Variants in OVGP1 observed in about 807,000 individuals in gnomAD.
The protein encoded by OVGP1 is oviductal glycoprotein 1, also known as oviduct-specific glycoprotein.
Under a neutral mutation model 48.2 loss-of-function variants are expected in OVGP1, and 26 were observed. The observed-to-expected ratio is 0.54, with a 90% CI of 0.40 to 0.75. OVGP1 has a LOEUF of 0.75. Ranked by LOEUF, OVGP1 falls within the 30% of genes least tolerant of loss-of-function variation. The pLI, the probability that OVGP1 is intolerant of heterozygous loss-of-function variation, is 0.00. For missense variants in OVGP1, 791 were observed against 820.6 expected (o/e 0.96, Z 0.44); for synonymous variants, 294 against 305.7 (o/e 0.96, Z 0.40).
intron 6 of OVGP1, 34 bp from the exon 7 acceptor site, chr1:111,421,707 G>C: frequency 7.6e-7 from 1 of 1,313,510 alleles, no homozygotes; most frequent in East Asian, 2.3e-5. Context: ...TATAAAGACT[G>C]GGCTAGCCAG....
chr1:111,422,975 C>T lies in OVGP1; in HGVS notation c.560G>A (p.Gly187Glu), dbSNP rs2101727288. Reference protein sequence around the residue: ...PRLLLSAAVSGVPHIVQTSYD... With the variant: ...PRLLLSAAVSEVPHIVQTSYD... ...GGATGTTTGGACGATGTGTGGGACC[C>T]CAGAAACAGCAGCAGACAGCAGCAG... Residue 187 changes from glycine to glutamate, a missense_variant, in exon 6 of 11, where the codon GGG becomes GAG. Coordinates refer to ENST00000369732, the MANE Select transcript of OVGP1 (RefSeq NM_002557.4). 1 of 1,614,130 alleles carries T rather than the reference C, an allele frequency of 6.2e-7. No individual in the cohort carries two copies. Among genetic ancestry groups the T allele is most frequent in the Non-Finnish European group, 8.5e-7 (1 of 1,180,016 alleles).
chr1:111,416,189 T>C (rs955993717), intron 10 of OVGP1, 134 bp downstream of exon 10: 16 of 926,696 alleles, frequency 1.7e-5, no homozygotes, highest in Admixed American at 3.4e-5. Flanking sequence ...GGAAAACATA[T>C]TGGCCTGGCA....
At position 111,423,100 on chromosome 1, in the gene OVGP1, G is replaced by A. The variant is rs765776310; in HGVS notation, c.484-49C>T. On this transcript the variant is annotated intron_variant, in intron 5 of 10. Coordinates refer to ENST00000369732, the MANE Select transcript of OVGP1 (RefSeq NM_002557.4). ...CAGAGAACTGGACAAACAGAGAGGC[G>A]GGGCCTGGGGGGAGTGTCATCTAGG... 6.1e-5 allele frequency: 98 copies of A among 1,608,500 alleles called. No individual in the cohort carries two copies. In the East Asian group the frequency reaches 1.2e-3, roughly 20 times the overall value.
At chr1:111,421,810 C>T in intron 6 of OVGP1, 137 bp from the exon 7 acceptor site, 1 of 622,386 alleles carries the variant, frequency 1.6e-6, no homozygotes, top group Admixed American at 2.8e-5. Context: ...TGGGGCCTGC[C>T]CAGGCTGTGC....
chr1:111,416,251 C>G (rs1038118906), intron 10 of OVGP1, 72 bp downstream of exon 10: 1 of 1,399,684 alleles, frequency 7.1e-7, no homozygotes, highest in Non-Finnish European at 9.4e-7. Context: ...GCATTTAGAT[C>G]TAGCAGAAGG....
intron 2 of OVGP1, 101 bp from the exon 3 acceptor site, chr1:111,426,742 A>C (rs1462860012): frequency 1.3e-6 from 2 of 1,552,192 alleles, no homozygotes; most frequent in African/African-American, 1.4e-5. Flanking sequence ...ACCAGGCCAC[A>C]TTTTCACATC....
At chr1:111,416,677 AAAG>A in intron 9 of OVGP1, 1 of 412,180 alleles carries the variant, frequency 2.4e-6, no homozygotes, top group Admixed American at 4.4e-5. Flanking sequence ...GAAAAAAAAA[AAAG>A]AGGATAATAA....
chr1:111,423,076 A>G, intron 5 of OVGP1, 25 bp from the exon 6 acceptor site: 1 of 1,613,526 alleles, frequency 6.2e-7, no homozygotes. Flanking sequence ...AGAAAGACAC[A>G]GAGAACTGGA....
At chr1:111,418,350 T>A (rs1652183419) in intron 9 of OVGP1, among the ~76,000 whole-genome samples, 1 of 152,182 alleles carries the variant, frequency 6.6e-6, no homozygotes, top group African/African-American at 2.4e-5. Flanking sequence ...GAGTCATTAA[T>A]CTTTCCTGTT....
chr1:111,420,410 C>T (rs1344856170), intron 8 of OVGP1, among the ~76,000 whole-genome samples: 4 of 152,180 alleles, frequency 2.6e-5, no homozygotes, highest in African/African-American at 9.7e-5. Flanking sequence ...CATAAAAATG[C>T]TTCATTGGGT....
intron 6 of OVGP1, among the ~76,000 whole-genome samples, chr1:111,422,192 T>A (rs1652288502): frequency 6.6e-6 from 1 of 152,214 alleles, no homozygotes; most frequent in Non-Finnish European, 1.5e-5. Context: ...TTAACTAATT[T>A]GCCTAATGTT....
At chr1:111,416,838 G>A (rs1652149937) in intron 9 of OVGP1, among the ~76,000 whole-genome samples, 1 of 152,184 alleles carries the variant, frequency 6.6e-6, no homozygotes, top group East Asian at 1.9e-4. Context: ...GGTACCTAGA[G>A]TAGTCAAATT....
At chr1:111,423,085 GACAA>G (rs781212665) in intron 5 of OVGP1, 34 bp from the exon 6 acceptor site, 37 of 1,612,610 alleles carry the variant, frequency 2.3e-5, no homozygotes, top group Middle Eastern at 1.6e-4. Flanking sequence ...CAGAGAACTG[GACAA>G]ACAGAGAGGC....
chr1:111,427,010 T>C, intron 2 of OVGP1, 52 bp downstream of exon 2: 2 of 1,613,676 alleles, frequency 1.2e-6, no homozygotes, highest in African/African-American at 1.3e-5. Context: ...GTGGAGGACT[T>C]CTCAGCCAGA....
chr1:111,425,571 G>A, intron 3 of OVGP1, 132 bp from the exon 4 acceptor site: 2 of 1,500,026 alleles, frequency 1.3e-6, no homozygotes, highest in Non-Finnish European at 1.8e-6. Flanking sequence ...AAGGAAAAGG[G>A]GGAAGGTGAT....
Position 111,423,524 on chromosome 1 carries a change from G to A in OVGP1, c.483+19C>T, listed in dbSNP as rs768176816. On this transcript the variant is annotated intron_variant, in intron 5 of 10. Transcript: ENST00000369732. The stretch of plus-strand genomic sequence containing the variant: ...AGTAGAATCATTTCTGGATTCTGGC[G>A]CTTCTAGACCAGACTTACTTCAATT... 3.7e-5 allele frequency: 59 copies of A among 1,610,072 alleles called. No homozygotes were observed. The highest frequency in any genetic ancestry group is 4.5e-5 in the Non-Finnish European group (53 of 1,178,494).
intron 8 of OVGP1, among the ~76,000 whole-genome samples, 181 bp from the exon 9 acceptor site, chr1:111,419,907 A>G (rs1652221377): frequency 6.6e-6 from 1 of 152,184 alleles, no homozygotes; most frequent in Non-Finnish European, 1.5e-5. Context: ...TTTTGAATAA[A>G]TTCCTACTGT....
chr1:111,421,155 T>G lies in OVGP1; in HGVS notation c.903+121A>C, dbSNP rs141465498. 502 of 829,872 alleles carry G rather than the reference T, an allele frequency of 6.0e-4. 4 individuals carry two copies. The East Asian group carries it at 7.5e-3, about 12-fold the overall frequency. The allele number at this position is 829,872 out of a possible 1,614,324, so 51.4% of individuals were successfully genotyped here. A position where few individuals can be genotyped will look rare whatever the true frequency, so the allele number is the denominator to read the frequency against. On this transcript the variant is annotated intron_variant, in intron 8 of 10. Coordinates refer to ENST00000369732, the MANE Select transcript of OVGP1 (RefSeq NM_002557.4). ...AGAGAGTGGGTTTCTCTTGTACTAATAGACCACCTCTTTGCCCTGTCTACA... is the reference window on the plus strand; with the variant it reads ...AGAGAGTGGGTTTCTCTTGTACTAAGAGACCACCTCTTTGCCCTGTCTACA...
At position 111,423,169 on chromosome 1, in the gene OVGP1, T is replaced by A. The variant is rs953801309; in HGVS notation, c.484-118A>T. On this transcript the variant is annotated intron_variant, in intron 5 of 10. Coordinates refer to ENST00000369732, the MANE Select transcript of OVGP1 (RefSeq NM_002557.4). ...TGAGCCAGGCTCTGGGACACGAAGG[T>A]GAGTTGGACATGGGCCATGCCACAG... The A allele has an allele frequency of 7.0e-6, 9 of 1,277,202 alleles. No homozygotes were observed. In the African/African-American group the frequency reaches 8.9e-5, roughly 13 times the overall value. The allele number at this position is 1,277,202 out of a possible 1,614,324, so 79.1% of individuals were successfully genotyped here. A position where few individuals can be genotyped will look rare whatever the true frequency, so the allele number is the denominator to read the frequency against.
Sources: allele counts gnomAD v4.1 joint callset (sites outside exome capture counted in the v4.1 genomes callset), GRCh38; gene constraint gnomAD v4.1.1; transcripts MANE v1.5; gene names NCBI Gene and HGNC (gene_info 2026-07-23, HGNC 2026-07-21).